Variants in GRID2 observed in about 807,000 individuals in gnomAD.
GRID2 encodes the protein glutamate receptor ionotropic, delta-2.
In GRID2, 33 loss-of-function variants were observed where a neutral mutation model predicts 114.8. The observed-to-expected ratio is 0.29, with a 90% CI of 0.22 to 0.38. The LOEUF is 0.38. Among genes scored for constraint, GRID2 ranks in the 10% least tolerant of loss-of-function variants. The pLI is 1.00. For synonymous variants in GRID2, 505 were observed against 449.9 expected, an observed-to-expected ratio of 1.12 and a Z score of -1.55; for missense variants, 1,184 against 1,257.7, an observed-to-expected ratio of 0.94 and a Z score of 0.89.
chr4:92,571,363 GA>G (rs1442707678), intron 1 of GRID2, among the ~76,000 whole-genome samples: 2 of 152,030 alleles, frequency 1.3e-5, no homozygotes, highest in Non-Finnish European at 2.9e-5. Context: ...CCCAATACAG[GA>G]GCACCAAGAT....
chr4:92,352,061 T>A (rs1353852392), intron 1 of GRID2, among the ~76,000 whole-genome samples: 2 of 151,876 alleles, frequency 1.3e-5, no homozygotes, highest in Non-Finnish European at 2.9e-5. Context: ...TATTTTTAGA[T>A]CTATGAGGAA....
intron 2 of GRID2, among the ~76,000 whole-genome samples, chr4:92,598,373 A>G (rs970944134): frequency 3.3e-5 from 5 of 151,890 alleles, no homozygotes; most frequent in Non-Finnish European, 5.9e-5. Flanking sequence ...ACCTATGTGT[A>G]CCTCTCTTCT....
chr4:93,490,630 T>C lies in GRID2; in HGVS notation c.1859-9T>C, dbSNP rs929047486. 8.7e-6 allele frequency: 14 copies of C among 1,604,736 alleles called. No homozygotes were observed. The highest frequency in any genetic ancestry group is 3.3e-4 in the Middle Eastern group (2 of 6,016). The stretch of plus-strand genomic sequence containing the variant: ...GATGTTCTTTTTATCTCTTTGCTTC[T>C]TTCTACAGGCGGGGAAGTCCCGTAC... On this transcript the variant is annotated splice_polypyrimidine_tract_variant and intron_variant, in intron 11 of 15. Transcript: ENST00000282020.
intron 8 of GRID2, among the ~76,000 whole-genome samples, chr4:93,334,277 T>C (rs756395926): frequency 3.3e-5 from 5 of 152,156 alleles, no homozygotes; most frequent in Non-Finnish European, 7.3e-5. Context: ...ATTAATGCCC[T>C]TGTAGACAGT....
chr4:92,547,686 G>A (rs1296375859), intron 1 of GRID2, among the ~76,000 whole-genome samples: 1 of 148,948 alleles, frequency 6.7e-6, no homozygotes, highest in East Asian at 2.0e-4. Flanking sequence ...TTTTTTCATT[G>A]CTTTCTTTAT....
At chr4:92,587,116 G>GTGTGTA (rs1728491187) in intron 1 of GRID2, among the ~76,000 whole-genome samples, 1 of 150,952 alleles carries the variant, frequency 6.6e-6, no homozygotes, top group Non-Finnish European at 1.5e-5. Flanking sequence ...GTGTGTGTGT[G>GTGTGTA]TGTGTGTGTG....
chr4:92,437,293 G>A (rs1035218718), intron 1 of GRID2, among the ~76,000 whole-genome samples: 6 of 152,082 alleles, frequency 3.9e-5, no homozygotes, highest in African/African-American at 1.4e-4. Flanking sequence ...TTTAGTTTTT[G>A]TTTTGAGACA....
chr4:92,588,214 G>A (rs1443310110), intron 1 of GRID2, among the ~76,000 whole-genome samples: 2 of 152,004 alleles, frequency 1.3e-5, no homozygotes, highest in Admixed American at 1.3e-4. Flanking sequence ...AACATTTATT[G>A]TCTAAATGTT....
intron 13 of GRID2, among the ~76,000 whole-genome samples, chr4:93,584,023 G>T (rs1737271922): frequency 6.6e-6 from 1 of 152,090 alleles, no homozygotes; most frequent in Non-Finnish European, 1.5e-5. Context: ...ATTGAAAAAT[G>T]ACCTCTATTA....
intron 2 of GRID2, chr4:92,822,130 T>C (rs945050427): frequency 1.5e-5 from 5 of 338,820 alleles, no homozygotes; most frequent in African/African-American, 1.1e-4. Flanking sequence ...ATTTCTATGG[T>C]GGTCTTGCCT....
intron 2 of GRID2, among the ~76,000 whole-genome samples, chr4:92,660,480 T>C (rs1732463537): frequency 6.6e-6 from 1 of 151,272 alleles, no homozygotes; most frequent in South Asian, 2.1e-4. Context: ...CATGAGTAAA[T>C]GAACACAGCT....
At chr4:93,396,235 A>C (rs1001342730) in intron 9 of GRID2, among the ~76,000 whole-genome samples, 1 of 152,028 alleles carries the variant, frequency 6.6e-6, no homozygotes, top group African/African-American at 2.4e-5. Context: ...AGTGCTGATT[A>C]CTGAGAACAT....
At chr4:93,595,320 G>T (rs1215070948) in intron 13 of GRID2, among the ~76,000 whole-genome samples, 3 of 152,138 alleles carry the variant, frequency 2.0e-5, no homozygotes, top group Admixed American at 6.5e-5. Flanking sequence ...TCATAATTGT[G>T]TGTGTATGCC....
intron 2 of GRID2, among the ~76,000 whole-genome samples, chr4:92,916,090 A>G (rs1748768737): frequency 6.6e-6 from 1 of 151,970 alleles, no homozygotes; most frequent in South Asian, 2.1e-4. Context: ...CCATTTGTCA[A>G]TTTTAGCTTT....
In GRID2 at chr4:93,069,669, G is replaced by C. The variant is rs555156521; in HGVS notation, c.245-15326G>C. Among the ~76,000 whole-genome samples, 5 of 152,176 alleles carry C rather than the reference G, an allele frequency of 3.3e-5. No individual in the cohort carries two copies. In the East Asian group the frequency reaches 9.7e-4, roughly 29 times the overall value. On this transcript the variant is annotated intron_variant, in intron 2 of 15. Coordinates refer to ENST00000282020, the MANE Select transcript of GRID2 (RefSeq NM_001510.4). ...GTCAGTAATTGAAGCAAGGAGAAGAGAATAAGAGAGAAATGTCGTTATGTT... is the reference window on the plus strand; with the variant it reads ...GTCAGTAATTGAAGCAAGGAGAAGACAATAAGAGAGAAATGTCGTTATGTT...
At chr4:93,725,677 A>C (rs1042973842) in intron 14 of GRID2, among the ~76,000 whole-genome samples, 2 of 150,260 alleles carry the variant, frequency 1.3e-5, no homozygotes, top group African/African-American at 5.1e-5. Context: ...TCACCATTCT[A>C]ACTGGTGTGA....
chr4:92,507,415 T>TTGTGTGTGTGTGTGTGTGTG (rs70940902), intron 1 of GRID2, among the ~76,000 whole-genome samples: 8 of 149,244 alleles, frequency 5.4e-5, no homozygotes, highest in African/African-American at 2.0e-4. Context: ...TCGTGTATAA[T>TTGTGTGTGTGTGTGTGTGTG]TGTGTGTGTG....
intron 12 of GRID2, among the ~76,000 whole-genome samples, chr4:93,504,373 A>G (rs1016905733): frequency 6.6e-6 from 1 of 151,974 alleles, no homozygotes; most frequent in Non-Finnish European, 1.5e-5. Context: ...ATAAGTCAGC[A>G]TTGGTCTTGA....
chr4:92,743,285 G>GTCA lies in GRID2; in HGVS notation c.244+153014_244+153016dup, dbSNP rs987722184. Among the ~76,000 whole-genome samples the GTCA allele has an allele frequency of 3.3e-5, 5 of 151,952 alleles. No homozygotes were observed. The South Asian group carries it at 6.2e-4, about 19-fold the overall frequency. Reference sequence around the variant, plus strand: ...GAATGAGACCCTGTCTCAACAAATCGTCATCATCATCATCATCTAAAAAAT... The same window carrying GTCA: ...GAATGAGACCCTGTCTCAACAAATCGTCATCATCATCATCATCATCTAAAAAAT... On this transcript the variant is annotated intron_variant, in intron 2 of 15. Coordinates refer to ENST00000282020, the MANE Select transcript of GRID2 (RefSeq NM_001510.4).
Sources: gnomAD v4.1 joint callset for allele counts (sites outside exome capture counted in the v4.1 genomes callset) on GRCh38, gnomAD v4.1.1 for gene constraint, MANE v1.5 for transcripts, NCBI Gene and HGNC (gene_info 2026-07-23, HGNC 2026-07-21) for gene names.